CHRM3: variants seen among roughly 807,000 people sequenced by gnomAD.
The protein encoded by CHRM3 is cholinergic receptor muscarinic 3, also known as muscarinic acetylcholine receptor M3.
Under a neutral mutation model 41.8 loss-of-function variants are expected in CHRM3, and 11 were observed. That is an observed-to-expected ratio of 0.26 (90% CI 0.17 to 0.44). The LOEUF (loss-of-function observed/expected upper bound fraction) is 0.44. Among genes scored for constraint, CHRM3 ranks in the 20% least tolerant of loss-of-function variants. The pLI, the probability that CHRM3 is intolerant of heterozygous loss-of-function variation, is 1.00. For missense variants in CHRM3, 571 were observed against 745.4 expected (o/e 0.77, Z 2.72); for synonymous variants, 297 against 301.4 (o/e 0.99, Z 0.15).
chr1:239,723,041 G>A (rs1663118231), intron 5 of CHRM3, among the ~76,000 whole-genome samples: 1 of 151,820 alleles, frequency 6.6e-6, no homozygotes, highest in Admixed American at 6.6e-5. Flanking sequence ...AGAGACTTTT[G>A]AATTTTCTCA....
chr1:239,503,613 T>C (rs1377074568), intron 2 of CHRM3, among the ~76,000 whole-genome samples: 1 of 151,970 alleles, frequency 6.6e-6, no homozygotes, highest in Non-Finnish European at 1.5e-5. Context: ...GCCAAAGCAA[T>C]ACTAAGCAAA....
intron 1 of CHRM3, among the ~76,000 whole-genome samples, chr1:239,468,964 A>C (rs752113640): frequency 2.6e-5 from 4 of 152,220 alleles, no homozygotes; most frequent in Non-Finnish European, 4.4e-5. Context: ...GTTTCTACAA[A>C]AGGAAAAATT....
chr1:239,712,037 T>A (rs1038080846), intron 5 of CHRM3, among the ~76,000 whole-genome samples: 3 of 152,098 alleles, frequency 2.0e-5, no homozygotes, highest in African/African-American at 7.2e-5. Flanking sequence ...AGTAAGCCCA[T>A]TCAGAAATAT....
chr1:239,682,068 T>C (rs2149101303), intron 5 of CHRM3, among the ~76,000 whole-genome samples: 1 of 152,304 alleles, frequency 6.6e-6, no homozygotes, highest in African/African-American at 2.4e-5. Flanking sequence ...TCTTTTAAGC[T>C]TCCTCTTAAA....
rs1235256866 is a variant in CHRM3, at chr1:239,912,909, A to G, written c.*3685A>G. The G allele has an allele frequency of 6.0e-6, 1 of 167,078 alleles. No homozygotes were observed. Among genetic ancestry groups the G allele is most frequent in the Admixed American group, 6.5e-5 (1 of 15,278 alleles). The allele number at this position is 167,078 out of a possible 1,614,324, so 10.3% of individuals were successfully genotyped here. A position where few individuals can be genotyped will look rare whatever the true frequency, so the allele number is the denominator to read the frequency against. ...ACCAGTTTGGTCACTGCTTAGTTAC[A>G]TGTCCTTAGGAATGCTTGTCACTTA... On this transcript the variant is annotated 3_prime_UTR_variant, in exon 7 of 7. Coordinates refer to ENST00000676153, the MANE Select transcript of CHRM3 (RefSeq NM_001375978.1).
At chr1:239,777,903 G>C (rs1471557812) in intron 5 of CHRM3, among the ~76,000 whole-genome samples, 1 of 152,068 alleles carries the variant, frequency 6.6e-6, no homozygotes, top group Non-Finnish European at 1.5e-5. Flanking sequence ...GGGAATATAA[G>C]AAACACAGCG....
intron 1 of CHRM3, among the ~76,000 whole-genome samples, chr1:239,439,922 G>A (rs1413866258): frequency 6.6e-6 from 1 of 152,100 alleles, no homozygotes; most frequent in Non-Finnish European, 1.5e-5. Context: ...CTATATGGCC[G>A]GGAGCAGTGG....
At chr1:239,664,039 T>G (rs1288598827) in intron 4 of CHRM3, among the ~76,000 whole-genome samples, 2 of 152,190 alleles carry the variant, frequency 1.3e-5, no homozygotes, top group Non-Finnish European at 2.9e-5. Flanking sequence ...ATACTCAAAT[T>G]TATCCTCTGG....
chr1:239,475,322 A>T (rs1666396202), intron 1 of CHRM3, among the ~76,000 whole-genome samples: 3 of 152,272 alleles, frequency 2.0e-5, no homozygotes, highest in South Asian at 2.1e-4. Context: ...GTATTATATT[A>T]TGTTCAGAAT....
At chr1:239,480,858 A>G (rs1666806989) in intron 1 of CHRM3, among the ~76,000 whole-genome samples, 1 of 152,076 alleles carries the variant, frequency 6.6e-6, no homozygotes, top group African/African-American at 2.4e-5. Context: ...GCGCCTGGCC[A>G]ATAGCCTAAA....
At chr1:239,425,197 A>G (rs75731445) in intron 1 of CHRM3, among the ~76,000 whole-genome samples, 1,751 of 152,204 alleles carry the variant, frequency 0.012, 27 homozygotes, top group Non-Finnish European at 0.018. Context: ...GCAGTGCAGG[A>G]CTCAGTCTGT....
intron 4 of CHRM3, among the ~76,000 whole-genome samples, chr1:239,661,685 T>C (rs565992305): frequency 6.6e-6 from 1 of 152,286 alleles, no homozygotes; most frequent in African/African-American, 2.4e-5. Context: ...GGTTGGAGCA[T>C]GCGGTATTTT....
intron 6 of CHRM3, among the ~76,000 whole-genome samples, chr1:239,854,881 AG>A (rs1334871451): frequency 1.3e-5 from 2 of 152,178 alleles, no homozygotes; most frequent in Non-Finnish European, 2.9e-5. Context: ...GGCATTTTAA[AG>A]TTAATTGCTT....
intron 1 of CHRM3, among the ~76,000 whole-genome samples, chr1:239,479,725 G>T (rs776960965): frequency 4.6e-5 from 7 of 152,132 alleles, no homozygotes; most frequent in African/African-American, 7.2e-5. Context: ...AAGTATCTGT[G>T]TATCTCAACA....
chr1:239,877,158 A>T (rs1572566553), intron 6 of CHRM3, among the ~76,000 whole-genome samples: 1 of 152,250 alleles, frequency 6.6e-6, no homozygotes, highest in Non-Finnish European at 1.5e-5. Flanking sequence ...AAAGGTACTC[A>T]TAGGTAATTT....
intron 2 of CHRM3, among the ~76,000 whole-genome samples, chr1:239,512,021 T>C (rs1372799144): frequency 6.6e-6 from 1 of 152,074 alleles, no homozygotes; most frequent in East Asian, 1.9e-4. Flanking sequence ...GGGTTGTTGT[T>C]CTAGATGAGG....
chr1:239,864,303 T>C (rs563225975), intron 6 of CHRM3, among the ~76,000 whole-genome samples: 1 of 152,140 alleles, frequency 6.6e-6, no homozygotes, highest in South Asian at 2.1e-4. Context: ...GGTCGAGAGT[T>C]TGAGACCAGC....
chr1:239,721,117 A>G (rs960704218), intron 5 of CHRM3, among the ~76,000 whole-genome samples: 1 of 151,938 alleles, frequency 6.6e-6, no homozygotes, highest in Non-Finnish European at 1.5e-5. Context: ...CAAAAAGCCC[A>G]AACTCTGCAC....
chr1:239,793,071 ATT>A (rs1369833477), intron 5 of CHRM3, among the ~76,000 whole-genome samples: 9 of 152,296 alleles, frequency 5.9e-5, no homozygotes, highest in African/African-American at 1.9e-4. Context: ...ATTTCTCAGT[ATT>A]TGTCACACAC....
Sources: allele counts gnomAD v4.1 joint callset (sites outside exome capture counted in the v4.1 genomes callset), GRCh38; gene constraint gnomAD v4.1.1; transcripts MANE v1.5; gene names NCBI Gene and HGNC (gene_info 2026-07-23, HGNC 2026-07-21).